The following ZNF710 variants were observed in gnomAD, a reference collection of about 807,000 sequenced individuals.
ZNF710 encodes zinc finger protein 710.
Under a neutral mutation model 50.6 loss-of-function variants are expected in ZNF710, and 13 were observed. The observed-to-expected ratio is 0.26, with a 90% confidence interval of 0.17 to 0.41. ZNF710 has a LOEUF of 0.41. Ranked by LOEUF, ZNF710 falls within the 10% of genes least tolerant of loss-of-function variation. The pLI, the probability that ZNF710 is intolerant of heterozygous loss-of-function variation, is 1.00. For synonymous variants in ZNF710, 383 were observed against 397.0 expected (o/e 0.96, Z 0.42); for missense variants, 721 against 936.6 (o/e 0.77, Z 3.01).
intron 1 of ZNF710, among the ~76,000 whole-genome samples, chr15:90,060,455 G>A (rs1423605316): frequency 1.3e-5 from 2 of 152,196 alleles, no homozygotes; most frequent in Non-Finnish European, 2.9e-5. Flanking sequence ...TTGGGAGGCT[G>A]AGGCAGGAGG....
intron 4 of ZNF710, among the ~76,000 whole-genome samples, chr15:90,076,975 A>G (rs1900605910): frequency 6.6e-6 from 1 of 152,104 alleles, no homozygotes; most frequent in African/African-American, 2.4e-5. Flanking sequence ...TTGGCCCTGG[A>G]ATGACTGGGC....
At chr15:90,072,372 G>C (rs1900418302) in intron 2 of ZNF710, among the ~76,000 whole-genome samples, 1 of 152,186 alleles carries the variant, frequency 6.6e-6, no homozygotes, top group African/African-American at 2.4e-5. Flanking sequence ...CCAGGGAGCG[G>C]CCTGCAAGGC....
In ZNF710 at chr15:90,038,747, T is replaced by C. The variant is rs958909297; in HGVS notation, c.-28-28363T>C. Among the ~76,000 whole-genome samples the C allele has an allele frequency of 9.0e-5, 7 of 77,992 alleles. No homozygotes were observed. In the East Asian group the frequency reaches 2.4e-3, roughly 26 times the overall value. 51.2% of individuals were successfully genotyped at this position (77,992 alleles called of 152,430 possible). A position where few individuals can be genotyped will look rare whatever the true frequency, so the allele number is the denominator to read the frequency against. On this transcript the variant is annotated intron_variant, in intron 1 of 4. Coordinates refer to ENST00000268154, the MANE Select transcript of ZNF710 (RefSeq NM_198526.4). ...TGTGTGTGTGTGTGTGTGTGAGACA[T>C]TGGCTTTGAAGAGTCCAGGAAGGCC...
At chr15:90,006,526 A>G (rs2151458140) in intron 1 of ZNF710, among the ~76,000 whole-genome samples, 1 of 152,350 alleles carries the variant, frequency 6.6e-6, no homozygotes. Flanking sequence ...TAAACTAATA[A>G]TTACACAAAT....
chr15:90,065,177 C>G (rs1335911658), intron 1 of ZNF710, among the ~76,000 whole-genome samples: 4 of 152,186 alleles, frequency 2.6e-5, no homozygotes, highest in African/African-American at 9.7e-5. Context: ...GGCTAAATTC[C>G]TGTCTGGGGT....
At chr15:90,057,528 T>C (rs150667641) in intron 1 of ZNF710, among the ~76,000 whole-genome samples, 2 of 151,988 alleles carry the variant, frequency 1.3e-5, no homozygotes, top group Non-Finnish European at 2.9e-5. Context: ...AAACACCATG[T>C]CTACTAAAAA....
chr15:90,058,786 G>A (rs1259979273), intron 1 of ZNF710, among the ~76,000 whole-genome samples: 2 of 151,774 alleles, frequency 1.3e-5, no homozygotes, highest in African/African-American at 4.9e-5. Context: ...TGATTGTGGG[G>A]GCTGGCAAGT....
At chr15:90,055,801 T>C (rs1284500720) in intron 1 of ZNF710, among the ~76,000 whole-genome samples, 1 of 152,120 alleles carries the variant, frequency 6.6e-6, no homozygotes, top group Non-Finnish European at 1.5e-5. Context: ...ATGTTTGACA[T>C]GGATAGAAGG....
intron 1 of ZNF710, among the ~76,000 whole-genome samples, chr15:90,011,935 G>C (rs764281354): frequency 2.2e-4 from 34 of 152,218 alleles, no homozygotes; most frequent in Non-Finnish European, 1.3e-4. Context: ...GGCTGGGCGT[G>C]GTGGCTCACG....
intron 1 of ZNF710, among the ~76,000 whole-genome samples, chr15:90,053,064 C>T (rs576244160): frequency 1.3e-5 from 2 of 152,360 alleles, no homozygotes; most frequent in South Asian, 2.1e-4. Context: ...AGGTGGCAAC[C>T]TTTCATTCTG....
chr15:90,067,796 C>A lies in ZNF710; in HGVS notation c.659C>A (p.Pro220Gln). ...TTGCCCACAGAGTGTGGGTTCGAGC[C>A]ACCCCACCTGGCCCCCCTGAGTGAC... ...EALPTECGFE[P>Q]PHLAPLSDPE... Residue 220 changes from proline (P) to glutamine (Q), a missense_variant, in exon 2 of 5, where the codon CCA (proline) becomes CAA (glutamine). Pro to Gln is a moderately conservative substitution (Grantham distance 76). Around this residue, in one of 3 missense-constraint regions of ZNF710, gnomAD observed 326 missense variants for 347.1 expected, o/e 0.94. Transcript: ENST00000268154. The surrounding 1 kb of genome is among the most constrained non-coding windows in gnomAD (Gnocchi z 8.1). 1 of 1,581,914 alleles carries A rather than the reference C, an allele frequency of 6.3e-7. No individual in the cohort carries two copies. The highest frequency in any genetic ancestry group is 8.6e-7 in the Non-Finnish European group (1 of 1,164,546).
chr15:90,003,810 C>T (rs1471783945), intron 1 of ZNF710, among the ~76,000 whole-genome samples: 1 of 152,182 alleles, frequency 6.6e-6, no homozygotes, highest in African/African-American at 2.4e-5. Flanking sequence ...AACCTCTGAT[C>T]GGTCATCTGT....
At chr15:90,074,701 C>T (rs993866976) in intron 4 of ZNF710, 3 of 360,872 alleles carry the variant, frequency 8.3e-6, no homozygotes, top group Admixed American at 4.3e-5. Context: ...CACTTTATTT[C>T]GTTACCGTGA....
At chr15:90,018,178 T>C (rs1254278361) in intron 1 of ZNF710, among the ~76,000 whole-genome samples, 4 of 150,696 alleles carry the variant, frequency 2.7e-5, no homozygotes, top group South Asian at 2.1e-4. Flanking sequence ...TTCTTTTTTT[T>C]TTTTTTTTGA....
At chr15:90,031,393 G>A (rs1898944479) in intron 1 of ZNF710, among the ~76,000 whole-genome samples, 1 of 152,226 alleles carries the variant, frequency 6.6e-6, no homozygotes, top group South Asian at 2.1e-4. Flanking sequence ...TAGACCTGCT[G>A]AAGCAGAATC....
chr15:90,035,624 T>C (rs567483185), intron 1 of ZNF710, among the ~76,000 whole-genome samples: 7 of 152,358 alleles, frequency 4.6e-5, no homozygotes, highest in Middle Eastern at 3.4e-3. Context: ...CCGGGCTCTC[T>C]AGCTGGGGCG....
At chr15:90,038,316 T>C (rs1899191496) in intron 1 of ZNF710, among the ~76,000 whole-genome samples, 1 of 152,250 alleles carries the variant, frequency 6.6e-6, no homozygotes, top group South Asian at 2.1e-4. Flanking sequence ...CCTAACTCTT[T>C]AGTTTGAAAT....
rs894531774 is a variant in ZNF710 at position 90,034,468 on chromosome 15, G to A, written c.-28-32642G>A. 6.9e-6 allele frequency among the ~76,000 whole-genome samples: 1 copy of A among 144,868 alleles called. No homozygotes were observed. Among genetic ancestry groups the A allele is most frequent in the Admixed American group, 6.7e-5 (1 of 14,824 alleles). On this transcript the variant is annotated intron_variant, in intron 1 of 4. Coordinates refer to ENST00000268154, the MANE Select transcript of ZNF710 (RefSeq NM_198526.4). The surrounding 1 kb of genome is among the most constrained non-coding windows in gnomAD (Gnocchi z 4.0). ...TGTGTGTGTGTGTGTGTGTGTGTGTGTGTGTGTATTCTGTGCCTGTGGTGG... is the reference window on the plus strand; with the variant it reads ...TGTGTGTGTGTGTGTGTGTGTGTGTATGTGTGTATTCTGTGCCTGTGGTGG...
intron 1 of ZNF710, among the ~76,000 whole-genome samples, chr15:90,035,890 C>T (rs577454887): frequency 6.6e-6 from 1 of 152,112 alleles, no homozygotes; most frequent in Non-Finnish European, 1.5e-5. Flanking sequence ...CAAATGTGAG[C>T]CCTTCCTTCT....
Sources: allele counts gnomAD v4.1 joint callset (sites outside exome capture counted in the v4.1 genomes callset), GRCh38; gene constraint gnomAD v4.1.1; regional missense constraint gnomAD v4.1.1; non-coding constraint Gnocchi (gnomAD v3.1); transcripts MANE v1.5; gene names NCBI Gene and HGNC (gene_info 2026-07-23, HGNC 2026-07-21).